Variants in LDLRAD4 observed in about 807,000 individuals in gnomAD.
The protein encoded by LDLRAD4 is low density lipoprotein receptor class A domain containing 4, also known as low-density lipoprotein receptor class A domain-containing protein 4.
A neutral mutation model predicts 17.0 loss-of-function variants in LDLRAD4; 5 were observed. The ratio of observed to expected loss-of-function variants is 0.29; its 90% CI spans 0.15 to 0.62. The LOEUF (loss-of-function observed/expected upper bound fraction) is 0.62. Ranked by LOEUF, LDLRAD4 falls within the 20% of genes least tolerant of loss-of-function variation. The pLI is 0.84. For missense variants in LDLRAD4, 340 were observed against 424.7 expected, an observed-to-expected ratio of 0.80 and a Z score of 1.75; for synonymous variants, 168 against 171.8, an observed-to-expected ratio of 0.98 and a Z score of 0.17.
At chr18:13,343,362 T>C (rs1478778767) in intron 1 of LDLRAD4, among the ~76,000 whole-genome samples, 6 of 151,766 alleles carry the variant, frequency 4.0e-5, no homozygotes, top group Non-Finnish European at 8.8e-5. Context: ...AATAGTTTGC[T>C]GAGAATGATG....
At chr18:13,476,419 G>A (rs1368830552) in intron 3 of LDLRAD4, among the ~76,000 whole-genome samples, 1 of 152,058 alleles carries the variant, frequency 6.6e-6, no homozygotes, top group Non-Finnish European at 1.5e-5. Context: ...GAGTCCAGGA[G>A]TTTGAGACCA....
chr18:13,363,280 C>T (rs562278716), intron 1 of LDLRAD4, among the ~76,000 whole-genome samples: 24 of 141,414 alleles, frequency 1.7e-4, no homozygotes, highest in East Asian at 8.3e-4. Context: ...TGCAGTGAGC[C>T]GAGATCGCGC....
At chr18:13,376,346 G>A (rs1259429897) in intron 1 of LDLRAD4, among the ~76,000 whole-genome samples, 1 of 152,202 alleles carries the variant, frequency 6.6e-6, no homozygotes, top group Non-Finnish European at 1.5e-5. Context: ...TGGCGGTCAG[G>A]CTGGCGCGGC....
intron 1 of LDLRAD4, among the ~76,000 whole-genome samples, chr18:13,280,404 G>A (rs929674896): frequency 2.0e-5 from 3 of 152,164 alleles, no homozygotes; most frequent in South Asian, 2.1e-4. Flanking sequence ...ATGCACAGTC[G>A]TCACTCAACA....
chr18:13,402,847 T>C (rs766394088), intron 2 of LDLRAD4, among the ~76,000 whole-genome samples: 2 of 152,186 alleles, frequency 1.3e-5, no homozygotes, highest in Non-Finnish European at 2.9e-5. Context: ...GTAAAGGTGA[T>C]GAAAAACATG....
chr18:13,250,321 C>CTT (rs140611551), intron 1 of LDLRAD4, among the ~76,000 whole-genome samples: 1 of 150,546 alleles, frequency 6.6e-6, no homozygotes, highest in Non-Finnish European at 1.5e-5. Flanking sequence ...GAAACTTTGG[C>CTT]TTTTTTTTTC....
At chr18:13,364,364 G>A (rs1388666757) in intron 1 of LDLRAD4, among the ~76,000 whole-genome samples, 1 of 151,970 alleles carries the variant, frequency 6.6e-6, no homozygotes, top group Non-Finnish European at 1.5e-5. Context: ...AAGAGACAAG[G>A]TCTTGCTCTG....
chr18:13,570,586 C>T (rs887640388), intron 3 of LDLRAD4, among the ~76,000 whole-genome samples: 3 of 152,180 alleles, frequency 2.0e-5, no homozygotes, highest in Admixed American at 6.5e-5. Context: ...ATAGTCACGG[C>T]TCCCGCTGCA....
At chr18:13,277,442 C>T (rs1233701061), upstream of LDLRAD4, among the ~76,000 whole-genome samples, 1 of 152,194 alleles carries the variant, frequency 6.6e-6, no homozygotes, top group East Asian at 1.9e-4. Context: ...ACAGAGCATG[C>T]TCACTCAGTT....
chr18:13,641,501 C>CATTCAGGCAAGCCTGATA (rs2042556170), intron 4 of LDLRAD4, among the ~76,000 whole-genome samples: 1 of 152,242 alleles, frequency 6.6e-6, no homozygotes, highest in South Asian at 2.1e-4. Context: ...TAAGATAGTC[C>CATTCAGGCAAGCCTGATA]TTGCATTCAG....
chr18:13,224,643 CT>C (rs1023461801), intron 1 of LDLRAD4, among the ~76,000 whole-genome samples: 51 of 151,774 alleles, frequency 3.4e-4, no homozygotes, highest in Non-Finnish European at 4.4e-5. Context: ...CCACGCCCGG[CT>C]AATTTTTTCA....
intron 1 of LDLRAD4, among the ~76,000 whole-genome samples, chr18:13,290,437 A>G (rs1316771452): frequency 6.6e-6 from 1 of 152,192 alleles, no homozygotes; most frequent in Non-Finnish European, 1.5e-5. Flanking sequence ...ATCCTGAACC[A>G]TAGAACCCTA....
chr18:13,601,914 A>G (rs1165814457), intron 3 of LDLRAD4, among the ~76,000 whole-genome samples: 4 of 152,232 alleles, frequency 2.6e-5, no homozygotes, highest in Non-Finnish European at 5.9e-5. Flanking sequence ...ATCAACCTAG[A>G]TGTCCATCCG....
chr18:13,485,751 C>T (rs971506955), intron 3 of LDLRAD4, among the ~76,000 whole-genome samples: 4 of 152,178 alleles, frequency 2.6e-5, no homozygotes, highest in Admixed American at 6.5e-5. Context: ...CGGTGGCTCA[C>T]GCCTGGAATC....
At chr18:13,330,109 C>G (rs2081770734) in intron 1 of LDLRAD4, among the ~76,000 whole-genome samples, 1 of 152,052 alleles carries the variant, frequency 6.6e-6, no homozygotes, top group South Asian at 2.1e-4. Context: ...GCGCCTGCCA[C>G]CACGCCCGGC....
intron 1 of LDLRAD4, among the ~76,000 whole-genome samples, chr18:13,223,781 TCA>T (rs1285447275): frequency 2.6e-5 from 4 of 152,184 alleles, no homozygotes; most frequent in African/African-American, 9.7e-5. Context: ...AATCTAATCC[TCA>T]CAGCGGCCCT....
At chr18:13,557,561 C>T (rs535356546) in intron 3 of LDLRAD4, among the ~76,000 whole-genome samples, 9 of 152,158 alleles carry the variant, frequency 5.9e-5, no homozygotes, top group African/African-American at 2.2e-4. Context: ...CTACCACACC[C>T]GGCTAATTTT....
intron 3 of LDLRAD4, among the ~76,000 whole-genome samples, chr18:13,444,872 G>A (rs1328414105): frequency 6.6e-6 from 1 of 152,244 alleles, no homozygotes; most frequent in Non-Finnish European, 1.5e-5. Flanking sequence ...TACCTTGCAA[G>A]TGGAAGCAGG....
intron 3 of LDLRAD4, chr18:13,620,856 T>A: frequency 1.9e-6 from 1 of 528,128 alleles, no homozygotes; most frequent in Non-Finnish European, 3.4e-6. Context: ...AGCTTCAGTT[T>A]GTGGAGACGT....
Sources: gnomAD v4.1 joint callset for allele counts (sites outside exome capture counted in the v4.1 genomes callset) on GRCh38, gnomAD v4.1.1 for gene constraint, MANE v1.5 for transcripts, NCBI Gene and HGNC (gene_info 2026-07-23, HGNC 2026-07-21) for gene names.